Variants in CTSS observed in about 807,000 individuals in gnomAD.
CTSS encodes cathepsin S.
A neutral mutation model predicts 39.9 loss-of-function variants in CTSS; 15 were observed. The ratio of observed to expected loss-of-function variants is 0.38; its 90% CI spans 0.25 to 0.58. CTSS has a LOEUF of 0.58. CTSS is among the 20% of genes least tolerant of loss of function. The pLI is 0.70. For synonymous variants in CTSS, 126 were observed against 138.2 expected (o/e 0.91, Z 0.62); for missense variants, 250 against 398.2 (o/e 0.63, Z 3.17).
Position 150,765,705 on chromosome 1 carries a change from A to G in CTSS, c.-9T>C, listed in dbSNP as rs994632406. 1.3e-5 allele frequency: 2 copies of G among 152,230 alleles called. No individual in the cohort carries two copies. Among genetic ancestry groups the G allele is most frequent in the African/African-American group, 4.8e-5 (2 of 41,458 alleles). The allele number at this position is 152,230 out of a possible 1,614,324, so 9.4% of individuals were successfully genotyped here. On this transcript the variant is annotated 5_prime_UTR_variant, in exon 1 of 8. Transcript: ENST00000368985. ...AGAACAAAGAGTACATACGTGATAG[A>G]ACCAGCAGTTGCTCCCACAGTAAGA...
At chr1:150,749,504 A>G (rs1652961150) in intron 6 of CTSS, among the ~76,000 whole-genome samples, 1 of 152,042 alleles carries the variant, frequency 6.6e-6, no homozygotes, top group Non-Finnish European at 1.5e-5. Flanking sequence ...CTACAGAAGA[A>G]AAGTTTGAAG....
rs587674441 is a variant in CTSS at position 150,748,090 on chromosome 1, G to C, written c.794-211C>G. ...GCGGGTCACAAGGTCAAGAGATCGAGACCATCCTGGCCAACATGGTGACAC... is the reference window on the plus strand; with the variant it reads ...GCGGGTCACAAGGTCAAGAGATCGACACCATCCTGGCCAACATGGTGACAC... On this transcript the variant is annotated intron_variant, in intron 6 of 7. Transcript: ENST00000368985. The C allele has an allele frequency of 3.8e-5, 16 of 418,468 alleles. No homozygotes were observed. In the East Asian group the frequency reaches 6.0e-4, roughly 16 times the overall value. The allele number at this position is 418,468 out of a possible 1,614,324, so 25.9% of individuals were successfully genotyped here. A position where few individuals can be genotyped will look rare whatever the true frequency, so the allele number is the denominator to read the frequency against.
intron 2 of CTSS, among the ~76,000 whole-genome samples, chr1:150,760,841 A>G (rs1653239526): frequency 6.6e-6 from 1 of 151,072 alleles, no homozygotes; most frequent in African/African-American, 2.4e-5. Context: ...TGATCACACC[A>G]CTTCACTCCA....
At chr1:150,746,449 G>C (rs766151305) in intron 7 of CTSS, among the ~76,000 whole-genome samples, 1 of 152,080 alleles carries the variant, frequency 6.6e-6, no homozygotes, top group Non-Finnish European at 1.5e-5. Flanking sequence ...TCTGTGCTGC[G>C]GATATGAAGA....
chr1:150,746,312 C>T (rs920094127), intron 7 of CTSS, among the ~76,000 whole-genome samples: 1 of 152,112 alleles, frequency 6.6e-6, no homozygotes, highest in Non-Finnish European at 1.5e-5. Context: ...CAGGTATGCC[C>T]CAAAGTCTCA....
At chr1:150,761,833 T>C (rs1653271584) in intron 2 of CTSS, among the ~76,000 whole-genome samples, 1 of 152,212 alleles carries the variant, frequency 6.6e-6, no homozygotes, top group East Asian at 1.9e-4. Flanking sequence ...TTAATATTGC[T>C]AAAATGTTCA....
At chr1:150,747,143 G>A (rs1652908996) in intron 7 of CTSS, among the ~76,000 whole-genome samples, 1 of 152,172 alleles carries the variant, frequency 6.6e-6, no homozygotes, top group South Asian at 2.1e-4. Context: ...CTAATTGGTT[G>A]CTTGGTTGGA....
intron 3 of CTSS, 102 bp from the exon 4 acceptor site, chr1:150,755,252 T>C: frequency 7.6e-7 from 1 of 1,314,036 alleles, no homozygotes; most frequent in South Asian, 1.3e-5. Flanking sequence ...CCATAGTGTG[T>C]ACTTACACAA....
chr1:150,743,084 G>GTGAGTTTGCTTTGATATAGA (rs1483532393), intron 7 of CTSS, among the ~76,000 whole-genome samples: 2 of 152,102 alleles, frequency 1.3e-5, no homozygotes, highest in African/African-American at 4.8e-5. Flanking sequence ...GAAGGAGCAG[G>GTGAGTTTGCTTTGATATAGA]TGAGTTTGCT....
chr1:150,745,723 G>C (rs1652880661), intron 7 of CTSS, among the ~76,000 whole-genome samples: 1 of 152,084 alleles, frequency 6.6e-6, no homozygotes, highest in South Asian at 2.1e-4. Context: ...AGAATGTCAT[G>C]TGAAAATGAA....
At chr1:150,765,299 T>C (rs1653351875) in intron 1 of CTSS, among the ~76,000 whole-genome samples, 2 of 148,280 alleles carry the variant, frequency 1.3e-5, no homozygotes, top group South Asian at 2.1e-4. Context: ...TTTTTTTTTT[T>C]TAATGATCAG....
intron 7 of CTSS, among the ~76,000 whole-genome samples, chr1:150,737,155 T>C (rs765990286): frequency 6.6e-6 from 1 of 151,728 alleles, no homozygotes; most frequent in African/African-American, 2.4e-5. Context: ...CAGGCTGGAG[T>C]GCAATGGCAC....
At chr1:150,733,273 A>T (rs1161574299) in intron 7 of CTSS, 128 bp from the exon 8 acceptor site, 1 of 629,350 alleles carries the variant, frequency 1.6e-6, no homozygotes. Flanking sequence ...ATTAGAATGA[A>T]ATAAGGTAAT....
At position 150,747,830 on chromosome 1, in the gene CTSS, A is replaced by G. The variant is rs751367182; in HGVS notation, c.843T>C (p.Leu281=). 1.2e-6 allele frequency: 2 copies of G among 1,613,922 alleles called. No individual in the cohort carries two copies. The highest frequency in any genetic ancestry group is 2.2e-5 in the South Asian group (2 of 91,082). ...SCTQNVNHGV[L]VVGYGDLNGK... The stretch of plus-strand genomic sequence containing the variant: ...CATTAAGATCACCATAGCCAACCAC[A>G]AGTACACCATGATTCACATTCTGAG... Residue 281 remains leucine (L), a synonymous_variant, in exon 7 of 8, where the codon CTT becomes CTC. Coordinates refer to ENST00000368985, the MANE Select transcript of CTSS (RefSeq NM_004079.5).
intron 7 of CTSS, among the ~76,000 whole-genome samples, chr1:150,744,650 T>A (rs917630005): frequency 1.2e-4 from 17 of 141,592 alleles, no homozygotes; most frequent in African/African-American, 3.1e-4. Context: ...TATGCATACA[T>A]AATATGTATT....
intron 6 of CTSS, among the ~76,000 whole-genome samples, 196 bp downstream of exon 6, chr1:150,749,810 C>T (rs970372749): frequency 6.6e-6 from 1 of 151,238 alleles, no homozygotes; most frequent in Non-Finnish European, 1.5e-5. Context: ...TCACCATATC[C>T]GGCTAATTTT....
At position 150,732,509 on chromosome 1, in the gene CTSS, C is replaced by A. The variant is rs2101906804; in HGVS notation, c.*537G>T. The A allele has an allele frequency of 6.6e-6, 1 of 152,254 alleles. No individual in the cohort carries two copies. The highest frequency in any genetic ancestry group is 1.5e-5 in the Non-Finnish European group (1 of 68,038). 9.4% of individuals were successfully genotyped at this position (152,254 alleles called of 1,614,324 possible). On this transcript the variant is annotated 3_prime_UTR_variant, in exon 8 of 8. Transcript: ENST00000368985. ...CAATTACAGATTGTTTTAGGTTGAA[C>A]AATTTTTGTACAGTTATATCTATAG...
chr1:150,762,390 C>A (rs587709952), intron 2 of CTSS, among the ~76,000 whole-genome samples: 3 of 152,112 alleles, frequency 2.0e-5, no homozygotes, highest in African/African-American at 7.2e-5. Flanking sequence ...GAATATGACC[C>A]CTAAAGAACA....
At position 150,761,157 on chromosome 1, in the gene CTSS, C is replaced by T. The variant is rs1338972138; in HGVS notation, c.127-3177G>A. Among the ~76,000 whole-genome samples, 7 of 125,436 alleles carry T rather than the reference C, an allele frequency of 5.6e-5. No individual in the cohort carries two copies. The East Asian group carries it at 9.4e-4, about 17-fold the overall frequency. The allele number at this position is 125,436 out of a possible 152,430, so 82.3% of individuals were successfully genotyped here. ...TTGCGCCACTGCACTCCAGCCTGGG[C>T]GACAGAGCATGAATCCGCCTCAAAA... On this transcript the variant is annotated intron_variant, in intron 2 of 7. Transcript: ENST00000368985.
Sources: allele counts gnomAD v4.1 joint callset (sites outside exome capture counted in the v4.1 genomes callset), GRCh38; gene constraint gnomAD v4.1.1; transcripts MANE v1.5; gene names NCBI Gene and HGNC (gene_info 2026-07-23, HGNC 2026-07-21).